Variants in MACROD1 observed in about 807,000 individuals in gnomAD.
MACROD1 encodes the protein ADP-ribose glycohydrolase MACROD1.
Under a neutral mutation model 41.4 loss-of-function variants are expected in MACROD1, and 31 were observed. That is an observed-to-expected ratio of 0.75 (90% CI 0.56 to 1.01). The LOEUF (loss-of-function observed/expected upper bound fraction) is 1.01. Among genes scored for constraint, MACROD1 ranks in the 50% least tolerant of loss-of-function variants. The pLI, the probability that MACROD1 is intolerant of heterozygous loss-of-function variation, is 0.00. For synonymous variants in MACROD1, 252 were observed against 203.4 expected (o/e 1.24, Z -2.03); for missense variants, 473 against 460.0 (o/e 1.03, Z -0.26).
intron 3 of MACROD1, among the ~76,000 whole-genome samples, chr11:64,040,104 G>A (rs73498121): frequency 0.05 from 7,635 of 152,346 alleles, 241 homozygotes; most frequent in South Asian, 0.12. Context: ...TGGGCTCTGG[G>A]ACAAAAGTGG....
intron 3 of MACROD1, among the ~76,000 whole-genome samples, chr11:64,119,429 C>T (rs941872711): frequency 2.0e-5 from 3 of 152,166 alleles, no homozygotes; most frequent in African/African-American, 7.2e-5. Context: ...TCTCCCTCCC[C>T]CACCACGTGC....
chr11:64,017,941 G>A (rs1405601010), intron 3 of MACROD1, among the ~76,000 whole-genome samples: 3 of 152,212 alleles, frequency 2.0e-5, no homozygotes, highest in African/African-American at 7.2e-5. Context: ...GTGGGAAGGT[G>A]ATGCCATTCC....
In MACROD1 at chr11:64,114,194, A is replaced by AGATG. The variant is rs1224090833; in HGVS notation, c.517+37041_517+37044dup. Among the ~76,000 whole-genome samples, 10 of 119,062 alleles carry AGATG rather than the reference A, an allele frequency of 8.4e-5. No individual in the cohort carries two copies. In the East Asian group the frequency reaches 8.8e-4, roughly 11 times the overall value. 78.1% of individuals were successfully genotyped at this position (119,062 alleles called of 152,430 possible). ...TGGATGCCTGGATGGATGGATGGTT[A>AGATG]GATGGATGGATGGATGGATGGATGA... On this transcript the variant is annotated intron_variant, in intron 3 of 10. Coordinates refer to ENST00000255681, the MANE Select transcript of MACROD1 (RefSeq NM_014067.4).
chr11:63,998,784 G>C, intron 10 of MACROD1, 54 bp downstream of exon 10: 1 of 1,453,168 alleles, frequency 6.9e-7, no homozygotes, highest in South Asian at 1.4e-5. Flanking sequence ...GCGGGGGTTA[G>C]TGGGCGGGTT....
At chr11:64,147,886 G>A (rs954369580) in intron 3 of MACROD1, among the ~76,000 whole-genome samples, 4 of 151,478 alleles carry the variant, frequency 2.6e-5, no homozygotes, top group Non-Finnish European at 5.9e-5. Flanking sequence ...GGGATTATAG[G>A]CACACACCAC....
At chr11:64,163,618 G>A (rs1945790013) in intron 1 of MACROD1, among the ~76,000 whole-genome samples, 1 of 152,170 alleles carries the variant, frequency 6.6e-6, no homozygotes, top group South Asian at 2.1e-4. Flanking sequence ...CTCACCAAAT[G>A]CCATTTTATG....
At chr11:64,118,320 C>T (rs1945035341) in intron 3 of MACROD1, 2 of 1,529,188 alleles carry the variant, frequency 1.3e-6, no homozygotes, top group Non-Finnish European at 1.8e-6. Flanking sequence ...TGCCCCGCCT[C>T]AGCCCCAGCT....
intron 3 of MACROD1, among the ~76,000 whole-genome samples, chr11:64,057,191 G>C (rs558308): frequency 1.6e-4 from 24 of 152,340 alleles, no homozygotes; most frequent in Non-Finnish European, 2.9e-4. Context: ...TGTTTATAAG[G>C]CTGGGAGAAA....
intron 3 of MACROD1, among the ~76,000 whole-genome samples, chr11:64,145,351 C>CT (rs1463545054): frequency 6.6e-6 from 1 of 152,104 alleles, no homozygotes. Flanking sequence ...TTGCGTGGCA[C>CT]TTTGTTCAGA....
chr11:64,053,809 TG>T (rs1191056281), intron 3 of MACROD1, among the ~76,000 whole-genome samples: 2 of 152,146 alleles, frequency 1.3e-5, no homozygotes, highest in African/African-American at 4.8e-5. Context: ...CCGAGCCCCT[TG>T]CCTGCCCGCA....
chr11:64,020,232 C>A (rs779476573), intron 3 of MACROD1, among the ~76,000 whole-genome samples: 3 of 152,126 alleles, frequency 2.0e-5, no homozygotes, highest in Non-Finnish European at 4.4e-5. Context: ...GCTGGGTAAG[C>A]TTGGTGCATG....
In MACROD1 at chr11:64,117,037, G is replaced by A. The variant is rs770733612; in HGVS notation, c.517+34202C>T. 5.6e-6 allele frequency: 9 copies of A among 1,608,736 alleles called. No homozygotes were observed. The highest frequency in any genetic ancestry group is 2.3e-5 in the East Asian group (1 of 44,436). On this transcript the variant is annotated intron_variant, in intron 3 of 10. Coordinates refer to ENST00000255681, the MANE Select transcript of MACROD1 (RefSeq NM_014067.4). ...AACCTCACAGAGCTCTCGCTGGTGCGCAATTCGCTGGCCGCGCCACCCCTC... is the reference window on the plus strand; with the variant it reads ...AACCTCACAGAGCTCTCGCTGGTGCACAATTCGCTGGCCGCGCCACCCCTC...
At chr11:64,099,937 G>A (rs897839460) in intron 3 of MACROD1, among the ~76,000 whole-genome samples, 1 of 152,166 alleles carries the variant, frequency 6.6e-6, no homozygotes, top group Non-Finnish European at 1.5e-5. Flanking sequence ...GGGTGCACAA[G>A]AGAGCCTCAG....
At chr11:64,016,592 GGCTCCGAGTGGCT>G (rs1217948327) in intron 3 of MACROD1, among the ~76,000 whole-genome samples, 1 of 152,250 alleles carries the variant, frequency 6.6e-6, no homozygotes, top group Non-Finnish European at 1.5e-5. Flanking sequence ...GGTGTCGGGC[GGCTCCGAGTGGCT>G]GGTCTCCCAG....
At chr11:64,116,839 G>A (rs1350964898) in intron 3 of MACROD1, 1 of 1,612,772 alleles carries the variant, frequency 6.2e-7, no homozygotes, top group Non-Finnish European at 8.5e-7. Context: ...CACCTGAGCA[G>A]CATCCCCTCG....
chr11:64,035,705 G>GGGCCCC (rs1943361629), intron 3 of MACROD1, among the ~76,000 whole-genome samples: 1 of 4,718 alleles, frequency 2.1e-4, no homozygotes, highest in East Asian at 0.012. Context: ...GCGCAGCGCG[G>GGGCCCC]CGCCCCCGTC....
chr11:64,060,552 C>T (rs1437664733), intron 3 of MACROD1: 1 of 152,170 alleles, frequency 6.6e-6, no homozygotes, highest in East Asian at 1.9e-4. Flanking sequence ...CAGAGCAGGC[C>T]CCAGCCTGGA....
At chr11:64,059,417 T>C (rs576206652) in intron 3 of MACROD1, among the ~76,000 whole-genome samples, 1 of 152,174 alleles carries the variant, frequency 6.6e-6, no homozygotes, top group African/African-American at 2.4e-5. Flanking sequence ...TGGGAAGAGA[T>C]GTCCCCCCAG....
At chr11:64,039,201 G>A (rs917878764) in intron 3 of MACROD1, among the ~76,000 whole-genome samples, 2 of 152,262 alleles carry the variant, frequency 1.3e-5, no homozygotes, top group Non-Finnish European at 2.9e-5. Flanking sequence ...GATGGGGTGC[G>A]TGAGGCATGT....
Sources: allele counts gnomAD v4.1 joint callset (sites outside exome capture counted in the v4.1 genomes callset), GRCh38; gene constraint gnomAD v4.1.1; transcripts MANE v1.5; gene names NCBI Gene and HGNC (gene_info 2026-07-23, HGNC 2026-07-21).